The following DLGAP4 variants were observed in gnomAD, a reference collection of about 807,000 sequenced individuals.
The protein encoded by DLGAP4 is DLG associated protein 4.
Under a neutral mutation model 86.9 loss-of-function variants are expected in DLGAP4, and 18 were observed. The ratio of observed to expected loss-of-function variants is 0.21; its 90% CI spans 0.14 to 0.31. DLGAP4 has a LOEUF of 0.31. DLGAP4 is among the 10% of genes least tolerant of loss of function. DLGAP4 has a pLI of 1.00. For missense variants in DLGAP4, 1,085 were observed against 1,362.6 expected (o/e 0.80, Z 3.21); for synonymous variants, 548 against 574.3 (o/e 0.95, Z 0.65).
intron 2 of DLGAP4, among the ~76,000 whole-genome samples, chr20:36,398,895 A>G (rs2032074303): frequency 6.6e-6 from 1 of 152,102 alleles, no homozygotes. Context: ...TGGATTACCT[A>G]ATACACAGCA....
At chr20:36,480,087 G>A (rs972253219) in intron 7 of DLGAP4, among the ~76,000 whole-genome samples, 10 of 152,252 alleles carry the variant, frequency 6.6e-5, no homozygotes, top group African/African-American at 2.4e-4. Flanking sequence ...TTTTATAGAT[G>A]GGAGAAATTC....
Position 36,431,659 on chromosome 20 carries a change from C to A in DLGAP4, c.-59C>A, listed in dbSNP as rs191470165. ...TTCTCTCCCTAGGATAGCTGCCGCC[C>A]GGGAGAGGTGACCCGGGCGCCCTGC... is the stretch of plus-strand genomic sequence containing the variant. On this transcript the variant is annotated 5_prime_UTR_variant, in exon 3 of 13. Transcript: ENST00000339266. The surrounding 1 kb of genome is among the most constrained non-coding windows in gnomAD (Gnocchi z 5.1). 2.6e-6 allele frequency: 4 copies of A among 1,510,162 alleles called. No individual in the cohort carries two copies. Among genetic ancestry groups the A allele is most frequent in the Non-Finnish European group, 3.5e-6 (4 of 1,128,314 alleles). 93.5% of individuals were successfully genotyped at this position (1,510,162 alleles called of 1,614,324 possible). A position where few individuals can be genotyped will look rare whatever the true frequency, so the allele number is the denominator to read the frequency against.
intron 2 of DLGAP4, among the ~76,000 whole-genome samples, chr20:36,367,576 T>G (rs539408671): frequency 6.6e-6 from 1 of 152,132 alleles, no homozygotes; most frequent in Non-Finnish European, 1.5e-5. Context: ...AGGCCAGCTC[T>G]TGCCACACCC....
At chr20:36,461,144 C>T (rs780292089) in intron 7 of DLGAP4, among the ~76,000 whole-genome samples, 1 of 152,190 alleles carries the variant, frequency 6.6e-6, no homozygotes. Flanking sequence ...CCGCACAGAG[C>T]ATGCGTCGCG....
In DLGAP4 at chr20:36,432,132, A is replaced by G; in HGVS notation, c.415A>G (p.Ile139Val). 1 of 1,614,174 alleles carries G rather than the reference A, an allele frequency of 6.2e-7. No individual in the cohort carries two copies. Among genetic ancestry groups the G allele is most frequent in the Non-Finnish European group, 8.5e-7 (1 of 1,180,038 alleles). The change falls in exon 3 of 13, where the codon ATC (isoleucine) becomes GTC (valine). Residue 139 changes from isoleucine (I) to valine (V), a missense_variant. Around this residue, in one of 2 missense-constraint regions of DLGAP4, gnomAD observed 1,082 missense variants for 1,344.1 expected, o/e 0.81. Coordinates refer to ENST00000339266, the MANE Select transcript of DLGAP4 (RefSeq NM_001365621.2). This position sits in a 1 kb window ranked among gnomAD's most constrained non-coding sequence, Gnocchi z 6.5. Reference protein sequence around the residue: ...AKARGESPGRIRHLVHSVQRL... With the variant: ...AKARGESPGRVRHLVHSVQRL... Reference sequence around the variant, plus strand: ...GGCCCGTGGTGAGAGCCCTGGCCGCATCCGCCACCTGGTCCACTCAGTCCA... The same window carrying G: ...GGCCCGTGGTGAGAGCCCTGGCCGCGTCCGCCACCTGGTCCACTCAGTCCA...
At chr20:36,480,415 AG>A (rs2035135094) in intron 7 of DLGAP4, among the ~76,000 whole-genome samples, 1 of 152,176 alleles carries the variant, frequency 6.6e-6, no homozygotes, top group Admixed American at 6.5e-5. Flanking sequence ...CTCCGGAGGT[AG>A]GGGGGTAAAA....
intron 2 of DLGAP4, among the ~76,000 whole-genome samples, chr20:36,404,784 T>TGAATGAAG (rs1443120900): frequency 6.8e-6 from 1 of 148,104 alleles, no homozygotes; most frequent in Non-Finnish European, 1.5e-5. Context: ...AATGAATGAA[T>TGAATGAAG]GAAGCAGAGA....
intron 7 of DLGAP4, among the ~76,000 whole-genome samples, chr20:36,451,379 C>T (rs536079270): frequency 6.4e-4 from 97 of 152,312 alleles, no homozygotes; most frequent in Non-Finnish European, 1.2e-3. Context: ...GACAGAGTCT[C>T]GCTCTCTGTC....
intron 1 of DLGAP4, among the ~76,000 whole-genome samples, chr20:36,309,894 C>T (rs1272463974): frequency 6.6e-6 from 1 of 152,228 alleles, no homozygotes. Flanking sequence ...TAAACTGTAG[C>T]CATCCTGCCA....
At chr20:36,520,368 C>CAA (rs1329117131) in intron 10 of DLGAP4, among the ~76,000 whole-genome samples, 1 of 151,462 alleles carries the variant, frequency 6.6e-6, no homozygotes, top group Non-Finnish European at 1.5e-5. Context: ...TTCTATGAGA[C>CAA]AGAGTCTCAC....
chr20:36,427,079 G>A (rs1018120642), intron 2 of DLGAP4, among the ~76,000 whole-genome samples: 3 of 151,956 alleles, frequency 2.0e-5, no homozygotes, highest in African/African-American at 7.3e-5. Flanking sequence ...AGCTACTCAA[G>A]AAGCTGATGT....
chr20:36,340,552 G>A (rs2065368861), intron 1 of DLGAP4, among the ~76,000 whole-genome samples: 1 of 152,178 alleles, frequency 6.6e-6, no homozygotes, highest in African/African-American at 2.4e-5. Flanking sequence ...AGCCCAGGTC[G>A]GGGGTCTCTG....
chr20:36,370,268 G>A (rs2030871862), intron 2 of DLGAP4, among the ~76,000 whole-genome samples: 1 of 152,024 alleles, frequency 6.6e-6, no homozygotes, highest in Non-Finnish European at 1.5e-5. Context: ...GGGAGGCTGA[G>A]GCAGGAAGAT....
Position 36,499,655 on chromosome 20 carries a change from T to A in DLGAP4, c.2078T>A (p.Val693Asp). The A allele has an allele frequency of 1.9e-6, 3 of 1,613,754 alleles. No homozygotes were observed. Among genetic ancestry groups the A allele is most frequent in the Non-Finnish European group, 2.5e-6 (3 of 1,179,926 alleles). Residue 693 changes from valine to aspartate, a missense_variant, in exon 9 of 13, where the codon GTT becomes GAT. By Grantham distance (152) the Val-to-Asp change is radical. Coordinates refer to ENST00000339266, the MANE Select transcript of DLGAP4 (RefSeq NM_001365621.2). ...GCTACCAAATTCCAGTCCATCGGGG[T>A]TCAGGTAGAGGACGACTGGCGGTAA... ...SPATKFQSIGVQVEDDWRSSV... is the reference protein window; with the variant it reads ...SPATKFQSIGDQVEDDWRSSV...
intron 1 of DLGAP4, among the ~76,000 whole-genome samples, chr20:36,339,429 C>A (rs1412585266): frequency 6.6e-6 from 1 of 152,170 alleles, no homozygotes; most frequent in Non-Finnish European, 1.5e-5. Context: ...TGTCTGTAGC[C>A]CAGGCTGGAG....
chr20:36,418,692 G>A (rs1490413532), intron 2 of DLGAP4, among the ~76,000 whole-genome samples: 1 of 152,120 alleles, frequency 6.6e-6, no homozygotes, highest in East Asian at 1.9e-4. Context: ...CCTGGGCCCT[G>A]TGTTCAGAGT....
chr20:36,525,749 G>C, intron 11 of DLGAP4, 102 bp from the exon 12 acceptor site: 1 of 1,516,286 alleles, frequency 6.6e-7, no homozygotes, highest in Non-Finnish European at 8.9e-7. Flanking sequence ...GAGCCCCCGC[G>C]GGTGCTGGCA....
At chr20:36,493,470 G>A (rs1416419168) in intron 7 of DLGAP4, among the ~76,000 whole-genome samples, 3 of 152,210 alleles carry the variant, frequency 2.0e-5, no homozygotes, top group Admixed American at 6.5e-5. Context: ...CCGCCCTTCC[G>A]GAACAGAGGA....
chr20:36,432,106 A>C lies in DLGAP4; in HGVS notation c.389A>C (p.Lys130Thr), dbSNP rs1942803721. ...CTCCAATTTCCCCGTGGCGAGGCCA[A>C]GGCCCGTGGTGAGAGCCCTGGCCGC... ...STLQFPRGEAKARGESPGRIR... is the reference protein window; with the variant it reads ...STLQFPRGEATARGESPGRIR... Residue 130 changes from lysine to threonine, a missense_variant, in exon 3 of 13, where the codon AAG (lysine) becomes ACG (threonine). Lys to Thr is a moderately conservative substitution (Grantham distance 78). This residue lies in a region of DLGAP4 where 1,082 missense variants were observed against 1,344.1 expected (regional missense o/e 0.81). Transcript: ENST00000339266. The surrounding 1 kb of genome is among the most constrained non-coding windows in gnomAD (Gnocchi z 6.5). 6.2e-7 allele frequency: 1 copy of C among 1,614,040 alleles called. No homozygotes were observed. Among genetic ancestry groups the C allele is most frequent in the African/African-American group, 1.3e-5 (1 of 74,924 alleles).
Sources: gnomAD v4.1 joint callset for allele counts (sites outside exome capture counted in the v4.1 genomes callset) on GRCh38, gnomAD v4.1.1 for gene constraint, gnomAD v4.1.1 regional missense constraint, Gnocchi (gnomAD v3.1) non-coding constraint, MANE v1.5 for transcripts, NCBI Gene and HGNC (gene_info 2026-07-23, HGNC 2026-07-21) for gene names.